Variants in KCND2 observed in about 807,000 individuals in gnomAD.
KCND2 encodes the protein potassium voltage-gated channel subfamily D member 2.
In KCND2, 16 loss-of-function variants were observed where a neutral mutation model predicts 54.4. The observed-to-expected ratio is 0.29, with a 90% confidence interval of 0.20 to 0.45. The LOEUF (loss-of-function observed/expected upper bound fraction) is 0.45. KCND2 is among the 20% of genes least tolerant of loss of function. The probability of loss-of-function intolerance (pLI) is 1.00; values close to 1 mark genes in which losing one functional copy is unlikely to be tolerated. For missense variants in KCND2, 486 were observed against 824.2 expected (o/e 0.59, Z 5.02); for synonymous variants, 317 against 310.7 (o/e 1.02, Z -0.21).
At chr7:120,660,169 A>C (rs187166283) in intron 1 of KCND2, among the ~76,000 whole-genome samples, 1 of 152,186 alleles carries the variant, frequency 6.6e-6, no homozygotes, top group Non-Finnish European at 1.5e-5. Context: ...AGATTCTACT[A>C]TTATTTTAAA....
chr7:120,561,681 G>A (rs1792235657), intron 1 of KCND2, among the ~76,000 whole-genome samples: 2 of 135,134 alleles, frequency 1.5e-5, no homozygotes, highest in South Asian at 2.4e-4. Context: ...GCACAATCTC[G>A]GCTCACTGCA....
intron 1 of KCND2, among the ~76,000 whole-genome samples, chr7:120,516,509 G>A (rs1041218160): frequency 3.9e-5 from 6 of 152,008 alleles, no homozygotes; most frequent in East Asian, 3.9e-4. Context: ...TTCTAAATCC[G>A]AATGAACTGA....
At chr7:120,600,882 AT>A (rs1185386941) in intron 1 of KCND2, among the ~76,000 whole-genome samples, 2 of 152,058 alleles carry the variant, frequency 1.3e-5, no homozygotes, top group African/African-American at 4.8e-5. Context: ...GTCATGTATA[AT>A]TTTTTACTGA....
At chr7:120,313,741 A>ATTTTTTTTTTT in intron 1 of KCND2, among the ~76,000 whole-genome samples, 1 of 132,262 alleles carries the variant, frequency 7.6e-6, no homozygotes, top group Non-Finnish European at 1.6e-5. Flanking sequence ...GTCTCCTGGG[A>ATTTTTTTTTTT]TTTTTTTTTT....
chr7:120,552,386 T>C (rs1346032576), intron 1 of KCND2, among the ~76,000 whole-genome samples: 1 of 152,206 alleles, frequency 6.6e-6, no homozygotes, highest in Non-Finnish European at 1.5e-5. Context: ...TCTTTCTACC[T>C]TTCTAGTTTC....
At chr7:120,536,022 A>G (rs1791902321) in intron 1 of KCND2, among the ~76,000 whole-genome samples, 2 of 152,178 alleles carry the variant, frequency 1.3e-5, no homozygotes, top group African/African-American at 4.8e-5. Context: ...TAAGCTAGTC[A>G]TCCATTTAAA....
chr7:120,588,121 C>A (rs984458803), intron 1 of KCND2, among the ~76,000 whole-genome samples: 1 of 151,964 alleles, frequency 6.6e-6, no homozygotes, highest in Non-Finnish European at 1.5e-5. Context: ...AGATATAATT[C>A]GTAGGATATG....
chr7:120,311,507 A>C (rs1257348065), intron 1 of KCND2, among the ~76,000 whole-genome samples: 1 of 152,186 alleles, frequency 6.6e-6, no homozygotes, highest in Non-Finnish European at 1.5e-5. Flanking sequence ...TCCTTTTAAT[A>C]AAAGCAATGA....
chr7:120,529,060 C>T (rs1379140396), intron 1 of KCND2, among the ~76,000 whole-genome samples: 1 of 152,174 alleles, frequency 6.6e-6, no homozygotes, highest in African/African-American at 2.4e-5. Flanking sequence ...TGGTAGCTTT[C>T]ACTACAACCA....
intron 1 of KCND2, among the ~76,000 whole-genome samples, chr7:120,498,542 A>G (rs917730350): frequency 2.0e-5 from 3 of 152,122 alleles, no homozygotes; most frequent in African/African-American, 7.2e-5. Context: ...TGAGAGGCCA[A>G]GGCAGATGGA....
At chr7:120,565,694 G>A (rs528067194) in intron 1 of KCND2, among the ~76,000 whole-genome samples, 63 of 152,208 alleles carry the variant, frequency 4.1e-4, no homozygotes, top group African/African-American at 1.5e-3. Flanking sequence ...CAGTGAAAAA[G>A]TGTCATGAGA....
At chr7:120,578,059 AG>A (rs202042378) in intron 1 of KCND2, among the ~76,000 whole-genome samples, 1,973 of 152,060 alleles carry the variant, frequency 0.013, 54 homozygotes, top group African/African-American at 0.045. Flanking sequence ...AAGAAGAAGA[AG>A]AAGAACAAGA....
chr7:120,367,834 C>T (rs1192679402), intron 1 of KCND2, among the ~76,000 whole-genome samples: 2 of 151,994 alleles, frequency 1.3e-5, no homozygotes, highest in African/African-American at 2.4e-5. Context: ...GAGGACACAG[C>T]TGATAATAGC....
At chr7:120,650,255 A>G (rs1791712768) in intron 1 of KCND2, among the ~76,000 whole-genome samples, 1 of 142,916 alleles carries the variant, frequency 7.0e-6, no homozygotes, top group East Asian at 1.9e-4. Context: ...AGGTACACCA[A>G]TCAGCTGTAG....
At chr7:120,424,238 T>C (rs1801668679) in intron 1 of KCND2, among the ~76,000 whole-genome samples, 1 of 152,212 alleles carries the variant, frequency 6.6e-6, no homozygotes, top group African/African-American at 2.4e-5. Context: ...ACACTGCCAC[T>C]GTTGGGTCTG....
chr7:120,725,562 C>T (rs184892859), intron 1 of KCND2, among the ~76,000 whole-genome samples: 2 of 152,272 alleles, frequency 1.3e-5, no homozygotes, highest in Admixed American at 6.5e-5. Flanking sequence ...ATACTTTTCT[C>T]GCTCTCAGCT....
At chr7:120,415,655 T>C (rs1366138090) in intron 1 of KCND2, among the ~76,000 whole-genome samples, 1 of 152,210 alleles carries the variant, frequency 6.6e-6, no homozygotes, top group Non-Finnish European at 1.5e-5. Context: ...CTTTTCATTC[T>C]GTAGTCTTCT....
chr7:120,425,018 T>C (rs1215341317), intron 1 of KCND2, among the ~76,000 whole-genome samples: 2 of 152,256 alleles, frequency 1.3e-5, no homozygotes, highest in Non-Finnish European at 2.9e-5. Flanking sequence ...CAAATTGATT[T>C]CATTTTATAG....
chr7:120,389,021 G>T (rs1468932788), intron 1 of KCND2, among the ~76,000 whole-genome samples: 2 of 151,420 alleles, frequency 1.3e-5, no homozygotes, highest in African/African-American at 4.9e-5. Flanking sequence ...TACTTTAATT[G>T]TCTAAGACTA....
Sources: allele counts gnomAD v4.1 joint callset (sites outside exome capture counted in the v4.1 genomes callset), GRCh38; gene constraint gnomAD v4.1.1; transcripts MANE v1.5; gene names NCBI Gene and HGNC (gene_info 2026-07-23, HGNC 2026-07-21).